PDPN: variants seen among roughly 807,000 people sequenced by gnomAD.
The protein encoded by PDPN is PA2.26 antigen.
A neutral mutation model predicts 23.2 loss-of-function variants in PDPN; 12 were observed. That is an observed-to-expected ratio of 0.52 (90% CI 0.33 to 0.84). The LOEUF is 0.84. Ranked by LOEUF, PDPN falls within the 40% of genes least tolerant of loss-of-function variation. PDPN has a pLI of 0.02. For missense variants in PDPN, 199 were observed against 212.2 expected (o/e 0.94, Z 0.39); for synonymous variants, 77 against 76.7 (o/e 1.00, Z -0.02).
intron 1 of PDPN, among the ~76,000 whole-genome samples, chr1:13,590,345 GTT>G (rs1640307221): frequency 6.6e-6 from 1 of 152,206 alleles, no homozygotes. Context: ...ACAGGTGCGT[GTT>G]TTCTACACAT....
chr1:13,610,707 C>G (rs930371599), intron 3 of PDPN, among the ~76,000 whole-genome samples, 191 bp downstream of exon 3: 1 of 152,138 alleles, frequency 6.6e-6, no homozygotes. Flanking sequence ...GGTTGCTGAA[C>G]GTACCTCTCT....
intron 1 of PDPN, chr1:13,585,456 A>G: frequency 3.0e-6 from 4 of 1,312,878 alleles, no homozygotes; most frequent in Non-Finnish European, 4.0e-6. Context: ...TTTCAGTTAC[A>G]TTTCCTTTTT....
chr1:13,594,366 G>C (rs1180680820), intron 1 of PDPN, among the ~76,000 whole-genome samples: 3 of 152,120 alleles, frequency 2.0e-5, no homozygotes, highest in African/African-American at 7.2e-5. Context: ...GGTTTGGAAG[G>C]GCACTGATTG....
At chr1:13,610,976 C>T (rs1162313673) in intron 3 of PDPN, among the ~76,000 whole-genome samples, 1 of 152,216 alleles carries the variant, frequency 6.6e-6, no homozygotes, top group Non-Finnish European at 1.5e-5. Context: ...AATCCGAGCA[C>T]TTTGGGAGGC....
intron 1 of PDPN, among the ~76,000 whole-genome samples, chr1:13,603,503 CGT>C (rs888630028): frequency 2.6e-5 from 4 of 151,826 alleles, no homozygotes; most frequent in South Asian, 2.1e-4. Context: ...GCATTGCTTA[CGT>C]TTATTTGTTC....
intron 1 of PDPN, among the ~76,000 whole-genome samples, chr1:13,586,252 C>T (rs1640175908): frequency 6.6e-6 from 1 of 152,164 alleles, no homozygotes; most frequent in African/African-American, 2.4e-5. Context: ...CCCCGAAACG[C>T]TTGCCAGTTT....
At chr1:13,605,114 C>A (rs1172637387) in intron 1 of PDPN, among the ~76,000 whole-genome samples, 1 of 151,924 alleles carries the variant, frequency 6.6e-6, no homozygotes, top group Non-Finnish European at 1.5e-5. Context: ...ATCAAAGAAG[C>A]TATAATCAAA....
intron 5 of PDPN, chr1:13,614,800 A>T: frequency 1.9e-6 from 1 of 515,200 alleles, no homozygotes; most frequent in Non-Finnish European, 3.9e-6. Context: ...AAAATAAGAA[A>T]GAGCCTCTTC....
intron 1 of PDPN, among the ~76,000 whole-genome samples, chr1:13,598,556 T>A (rs768366653): frequency 1.3e-5 from 2 of 152,134 alleles, no homozygotes; most frequent in Non-Finnish European, 2.9e-5. Context: ...GGGACTCAAC[T>A]GAGGTCATCC....
In PDPN at chr1:13,610,424, T is replaced by G. The variant is rs752147833; in HGVS notation, c.239T>G (p.Ile80Ser). The change falls in exon 3 of 6, where the codon ATC becomes AGC. Residue 80 changes from isoleucine (I) to serine (S), a missense_variant. Coordinates refer to ENST00000621990, the MANE Select transcript of PDPN (RefSeq NM_006474.5). ...GTCAACAGTGTAACAGGCATTCGCA[T>G]CGAGGATCTGCCAACTTCAGAAAGC... is the stretch of plus-strand genomic sequence containing the variant. ...TSVNSVTGIR[I>S]EDLPTSESTV... is the part of the protein sequence containing the mutation. The G allele has an allele frequency of 6.2e-6, 10 of 1,613,942 alleles. No homozygotes were observed. Among genetic ancestry groups the G allele is most frequent in the Non-Finnish European group, 8.5e-6 (10 of 1,179,854 alleles).
At chr1:13,602,300 C>T (rs1009347894) in intron 1 of PDPN, among the ~76,000 whole-genome samples, 11 of 152,134 alleles carry the variant, frequency 7.2e-5, no homozygotes, top group Admixed American at 4.6e-4. Flanking sequence ...TGTACTCCAG[C>T]CTGGGCGACA....
At chr1:13,614,521 G>A (rs1409701187) in intron 5 of PDPN, 110 bp downstream of exon 5, 7 of 694,026 alleles carry the variant, frequency 1.0e-5, no homozygotes, top group East Asian at 2.5e-5. Flanking sequence ...GTGGTGGCTC[G>A]TGCCTGTAGT....
chr1:13,602,475 G>GA (rs1164318149), intron 1 of PDPN, among the ~76,000 whole-genome samples: 1 of 152,186 alleles, frequency 6.6e-6, no homozygotes, highest in Non-Finnish European at 1.5e-5. Context: ...ACAAATCAAA[G>GA]AAGTGTAAAT....
rs1640902369 is a variant in PDPN, at chr1:13,610,390, GCAACAAGTGT to G, written c.211_220del (p.Ser71ValfsTer2). 1 of 1,612,520 alleles carries G rather than the reference GCAACAAGTGT, an allele frequency of 6.2e-7. No individual in the cohort carries two copies. The highest frequency in any genetic ancestry group is 1.7e-5 in the Admixed American group (1 of 59,876). ...TCCTCATTTACACCTACAATAGGTG[GCAACAAGTGT>G]CAACAGTGTAACAGGCATTCGCATC... On this transcript the variant is annotated frameshift_variant, in exon 3 of 6. Coordinates refer to ENST00000621990, the MANE Select transcript of PDPN (RefSeq NM_006474.5). LOFTEE classifies it high-confidence loss of function.
chr1:13,584,345 G>C (rs1430600772), intron 1 of PDPN: 3 of 1,475,108 alleles, frequency 2.0e-6, no homozygotes. Flanking sequence ...CTGCGAGGTG[G>C]GCAGCACAGG....
At chr1:13,587,776 G>A (rs186872044) in intron 1 of PDPN, among the ~76,000 whole-genome samples, 2 of 152,144 alleles carry the variant, frequency 1.3e-5, no homozygotes, top group African/African-American at 2.4e-5. Context: ...CTAGAGCCCC[G>A]GTAGGGAATA....
chr1:13,592,975 G>A (rs977180517), intron 1 of PDPN, among the ~76,000 whole-genome samples: 7 of 152,142 alleles, frequency 4.6e-5, no homozygotes, highest in Admixed American at 1.3e-4. Context: ...CAGTAGCACC[G>A]TCTTGATTAC....
rs199822110 is a variant in PDPN at position 13,607,175 on chromosome 1, A to G, written c.70A>G (p.Ser24Gly). The part of the protein sequence containing the change: ...ASLWVLAEGA[S>G]TGQPEDDTET... ...CTGACTCAATCTTTCTTCTTCAGCC[A>G]GCACAGGCCAGCCAGAAGATGACAC... The change falls in exon 2 of 6, where the codon AGC (serine) becomes GGC (glycine). Residue 24 changes from serine (S) to glycine (G), a missense_variant and splice_region_variant. By Grantham distance (56) the Ser-to-Gly change is moderately conservative. Coordinates refer to ENST00000621990, the MANE Select transcript of PDPN (RefSeq NM_006474.5). The G allele has an allele frequency of 3.2e-5, 51 of 1,613,806 alleles. No individual in the cohort carries two copies. The Admixed American group carries it at 8.3e-4, about 26-fold the overall frequency.
intron 1 of PDPN, among the ~76,000 whole-genome samples, chr1:13,605,693 G>A (rs1640767734): frequency 6.6e-6 from 1 of 152,064 alleles, no homozygotes. Context: ...TGTGATCTTG[G>A]CTCACTGCAA....
Sources: gnomAD v4.1 joint callset for allele counts (sites outside exome capture counted in the v4.1 genomes callset) on GRCh38, gnomAD v4.1.1 for gene constraint, MANE v1.5 for transcripts, NCBI Gene and HGNC (gene_info 2026-07-23, HGNC 2026-07-21) for gene names.